The following CSMD1 variants were observed in gnomAD, a reference collection of about 807,000 sequenced individuals.
CSMD1 encodes CUB and sushi domain-containing protein 1.
CSMD1 carries 213 observed loss-of-function variants against 417.5 expected under a neutral mutation model. That is an observed-to-expected ratio of 0.51 (90% CI 0.46 to 0.57). The LOEUF (loss-of-function observed/expected upper bound fraction) is 0.57, where lower values mean the gene tolerates loss of function less well. CSMD1 is among the 20% of genes least tolerant of loss of function. The pLI is 0.00. For missense variants in CSMD1, 6,923 were observed against 4,529.7 expected (o/e 1.53, Z -15.17); for synonymous variants, 2,862 against 1,736.8 (o/e 1.65, Z -16.11).
intron 5 of CSMD1, among the ~76,000 whole-genome samples, chr8:3,825,071 G>A (rs1423180984): frequency 6.6e-6 from 1 of 152,146 alleles, no homozygotes; most frequent in East Asian, 1.9e-4. Flanking sequence ...AGGGCTTCTA[G>A]GTATGTGTGC....
chr8:3,988,266 T>C (rs1162737831), intron 5 of CSMD1, among the ~76,000 whole-genome samples: 18 of 152,176 alleles, frequency 1.2e-4, no homozygotes, highest in Admixed American at 7.9e-4. Context: ...CTCCATCTTG[T>C]CCCAGAAGGC....
chr8:3,119,421 A>C (rs2129019637), intron 41 of CSMD1, among the ~76,000 whole-genome samples: 1 of 143,018 alleles, frequency 7.0e-6, no homozygotes, highest in African/African-American at 2.5e-5. Context: ...AACACTGTAT[A>C]ATCCCTAAGC....
chr8:3,875,180 G>C (rs562960856), intron 5 of CSMD1, among the ~76,000 whole-genome samples: 40 of 152,288 alleles, frequency 2.6e-4, no homozygotes, highest in African/African-American at 9.4e-4. Flanking sequence ...CTGTAGCGCA[G>C]TGGGGAAGGA....
chr8:4,418,654 G>C (rs866846325), intron 3 of CSMD1, among the ~76,000 whole-genome samples: 1 of 152,092 alleles, frequency 6.6e-6, no homozygotes, highest in Non-Finnish European at 1.5e-5. Flanking sequence ...GTAATATTCT[G>C]CAAAAAATGA....
At chr8:3,411,783 TGTATATATACACGTATATATACAC>T (rs1205222768) in intron 12 of CSMD1, among the ~76,000 whole-genome samples, 1 of 119,860 alleles carries the variant, frequency 8.3e-6, no homozygotes, top group Non-Finnish European at 1.7e-5. Context: ...TGTATATACC[TGTATATATACACGTATATATACAC>T]GTATATATAC....
intron 3 of CSMD1, among the ~76,000 whole-genome samples, chr8:4,214,176 A>G (rs1442101409): frequency 6.6e-6 from 1 of 152,186 alleles, no homozygotes; most frequent in Non-Finnish European, 1.5e-5. Context: ...AATTTAGCAC[A>G]TCTTTACATA....
chr8:3,519,993 C>T (rs111609035), intron 10 of CSMD1, among the ~76,000 whole-genome samples: 2,424 of 138,578 alleles, frequency 0.017, 38 homozygotes, highest in Non-Finnish European at 0.024. Context: ...TATCTGTGTG[C>T]ATATATATGT....
intron 1 of CSMD1, among the ~76,000 whole-genome samples, chr8:4,988,386 T>G (rs1352830525): frequency 6.6e-6 from 1 of 152,226 alleles, no homozygotes; most frequent in Non-Finnish European, 1.5e-5. Flanking sequence ...AGTTCAGGAT[T>G]TCAACCAGTA....
chr8:3,095,208 C>T (rs966847451), intron 47 of CSMD1, among the ~76,000 whole-genome samples: 2 of 152,110 alleles, frequency 1.3e-5, no homozygotes, highest in African/African-American at 4.8e-5. Flanking sequence ...ACTTTTATGT[C>T]CTTTGTAGGG....
At chr8:4,559,442 A>C (rs1196280830) in intron 2 of CSMD1, among the ~76,000 whole-genome samples, 1 of 152,218 alleles carries the variant, frequency 6.6e-6, no homozygotes, top group Non-Finnish European at 1.5e-5. Context: ...ATGAATAAAG[A>C]AGGGGTTAAA....
intron 2 of CSMD1, among the ~76,000 whole-genome samples, chr8:4,421,722 G>T (rs1797256708): frequency 6.6e-6 from 1 of 151,658 alleles, no homozygotes; most frequent in Admixed American, 6.6e-5. Context: ...TAAAAACACA[G>T]CTTAGAAAAA....
chr8:4,288,437 T>C lies in CSMD1; in HGVS notation c.415+131516A>G, dbSNP rs1045916046. 1.1e-4 allele frequency among the ~76,000 whole-genome samples: 16 copies of C among 152,318 alleles called. No individual in the cohort carries two copies. The East Asian group carries it at 2.5e-3, about 24-fold the overall frequency. ...GTTCACACAAACTCAGGAAATTCAA[T>C]TCAATGCTGTAGCCATTTCTCCTGT... On this transcript the variant is annotated intron_variant, in intron 3 of 69. Coordinates refer to ENST00000635120, the MANE Select transcript of CSMD1 (RefSeq NM_033225.6).
At chr8:4,713,046 G>A (rs903462226) in intron 1 of CSMD1, among the ~76,000 whole-genome samples, 2 of 152,186 alleles carry the variant, frequency 1.3e-5, no homozygotes, top group Non-Finnish European at 2.9e-5. Context: ...GGGATACTGG[G>A]AAAGGTCTTC....
intron 52 of CSMD1, among the ~76,000 whole-genome samples, chr8:3,009,902 G>C (rs1036086193): frequency 6.6e-6 from 1 of 152,180 alleles, no homozygotes; most frequent in Admixed American, 6.5e-5. Context: ...AACCAGTTTG[G>C]TTTGAAGAAA....
intron 2 of CSMD1, among the ~76,000 whole-genome samples, chr8:4,426,226 G>C (rs573424194): frequency 6.6e-5 from 10 of 151,952 alleles, no homozygotes; most frequent in African/African-American, 2.2e-4. Flanking sequence ...ATAGTTACCG[G>C]ACAAGTTTTC....
intron 25 of CSMD1, among the ~76,000 whole-genome samples, chr8:3,289,381 A>G (rs1432190047): frequency 6.8e-6 from 1 of 147,386 alleles, no homozygotes; most frequent in South Asian, 2.1e-4. Context: ...TTCTAGTTCT[A>G]GATCCCTGAG....
At position 4,647,020 on chromosome 8, in the gene CSMD1, G is replaced by T. The variant is rs115056119; in HGVS notation, c.86-9462C>A. ...AGACTAACAGCCAAGGTGCTGACACGGCCCTCCTCTAGGCCATCCAAAGTG... is the reference window on the plus strand; with the variant it reads ...AGACTAACAGCCAAGGTGCTGACACTGCCCTCCTCTAGGCCATCCAAAGTG... On this transcript the variant is annotated intron_variant, in intron 1 of 69. Coordinates refer to ENST00000635120, the MANE Select transcript of CSMD1 (RefSeq NM_033225.6). Among the ~76,000 whole-genome samples, 356 of 152,154 alleles carry T rather than the reference G, an allele frequency of 2.3e-3. 2 individuals carry two copies. Among genetic ancestry groups the T allele is most frequent in the African/African-American group, 8.1e-3 (338 of 41,484 alleles).
intron 2 of CSMD1, among the ~76,000 whole-genome samples, chr8:4,434,862 C>G (rs142989643): frequency 3.3e-5 from 5 of 152,272 alleles, no homozygotes; most frequent in African/African-American, 1.2e-4. Context: ...ACCGCAAGAA[C>G]AAACTACATC....
intron 1 of CSMD1, among the ~76,000 whole-genome samples, chr8:4,741,061 C>T (rs558056124): frequency 5.3e-5 from 8 of 152,190 alleles, no homozygotes; most frequent in Non-Finnish European, 1.0e-4. Context: ...CTTCTTAATC[C>T]TTATGCTTTA....
Sources: allele counts gnomAD v4.1 joint callset (sites outside exome capture counted in the v4.1 genomes callset), GRCh38; gene constraint gnomAD v4.1.1; transcripts MANE v1.5; gene names NCBI Gene and HGNC (gene_info 2026-07-23, HGNC 2026-07-21).